The following EMC8 variants were observed in gnomAD, a reference collection of about 807,000 sequenced individuals.
EMC8 encodes the protein ER membrane protein complex subunit 8.
EMC8 carries 11 observed loss-of-function variants against 24.3 expected under a neutral mutation model. That is an observed-to-expected ratio of 0.45 (90% CI 0.28 to 0.75). The LOEUF (loss-of-function observed/expected upper bound fraction) is 0.75, where lower values mean the gene tolerates loss of function less well. Ranked by LOEUF, EMC8 falls within the 30% of genes least tolerant of loss-of-function variation. EMC8 has a pLI of 0.12. For missense variants in EMC8, 277 were observed against 282.7 expected, an observed-to-expected ratio of 0.98 and a Z score of 0.14; for synonymous variants, 145 against 117.7, an observed-to-expected ratio of 1.23 and a Z score of -1.50.
In EMC8 at chr16:85,779,544, A is replaced by T. The variant is rs1904389795; in HGVS notation, c.*164T>A. 1.5e-6 allele frequency: 1 copy of T among 662,600 alleles called. No homozygotes were observed. Among genetic ancestry groups the T allele is most frequent in the Non-Finnish European group, 2.6e-6 (1 of 390,556 alleles). 41.0% of individuals were successfully genotyped at this position (662,600 alleles called of 1,614,324 possible). A position where few individuals can be genotyped will look rare whatever the true frequency, so the allele number is the denominator to read the frequency against. On this transcript the variant is annotated 3_prime_UTR_variant, in exon 5 of 5. Coordinates refer to ENST00000253457, the MANE Select transcript of EMC8 (RefSeq NM_006067.5). Reference sequence around the variant, plus strand: ...CACCTCTTCTAGAGACTCTGTGTTAAAAACACGACCGACTGAACATTCTGC... The same window carrying T: ...CACCTCTTCTAGAGACTCTGTGTTATAAACACGACCGACTGAACATTCTGC...
chr16:85,789,873 G>T (rs1904926269), intron 1 of EMC8, among the ~76,000 whole-genome samples: 1 of 152,142 alleles, frequency 6.6e-6, no homozygotes. Flanking sequence ...CCCTCAGTTG[G>T]GGTGTAGGGT....
chr16:85,790,714 C>T (rs967856902), intron 1 of EMC8, among the ~76,000 whole-genome samples: 1 of 152,168 alleles, frequency 6.6e-6, no homozygotes, highest in South Asian at 2.1e-4. Context: ...CTCTGCCCCC[C>T]GGGTGTCCCT....
intron 3 of EMC8, 69 bp from the exon 4 acceptor site, chr16:85,780,542 C>T (rs763433349): frequency 2.6e-6 from 3 of 1,153,812 alleles, no homozygotes; most frequent in East Asian, 4.9e-5. Flanking sequence ...GGCGCCTCCT[C>T]GGGGCTCTCC....
At position 85,781,141 on chromosome 16, in the gene EMC8, C is replaced by T. The variant is rs1904475480; in HGVS notation, c.378+70G>A. 28 of 1,132,524 alleles carry T rather than the reference C, an allele frequency of 2.5e-5. 1 individual carries two copies. The highest frequency in any genetic ancestry group is 2.1e-4 in the Middle Eastern group (1 of 4,774). The allele number at this position is 1,132,524 out of a possible 1,614,324, so 70.2% of individuals were successfully genotyped here. A position where few individuals can be genotyped will look rare whatever the true frequency, so the allele number is the denominator to read the frequency against. On this transcript the variant is annotated intron_variant, in intron 3 of 4. Transcript: ENST00000253457. ...AAGGGGTTAGCGGAAAGGAAACCGC[C>T]GCAGAGCAAGCTCCAGGTTGGTGAG...
At chr16:85,792,842 T>A (rs1905077017) in intron 1 of EMC8, 1 of 152,180 alleles carries the variant, frequency 6.6e-6, no homozygotes, top group Non-Finnish European at 1.5e-5. Context: ...ATGAATCCAT[T>A]TCCATGTCCC....
At chr16:85,780,275 T>C in intron 4 of EMC8, 104 bp downstream of exon 4, 2 of 827,288 alleles carry the variant, frequency 2.4e-6, no homozygotes, top group Non-Finnish European at 4.0e-6. Flanking sequence ...GTATCATGCT[T>C]CTGGAGAAAA....
chr16:85,788,919 G>A lies in EMC8; in HGVS notation c.308+55C>T, dbSNP rs932120740. On this transcript the variant is annotated intron_variant, in intron 2 of 4. Transcript: ENST00000253457. ...GGCCGAAAAGCACACGAGAGACGGG[G>A]TCTGCCCAACACGTGCTCACTTCCT... is the stretch of plus-strand genomic sequence containing the variant. 21 of 1,256,344 alleles carry A rather than the reference G, an allele frequency of 1.7e-5. No homozygotes were observed. In the Middle Eastern group the frequency reaches 7.4e-4, roughly 44 times the overall value. The allele number at this position is 1,256,344 out of a possible 1,614,324, so 77.8% of individuals were successfully genotyped here. A position where few individuals can be genotyped will look rare whatever the true frequency, so the allele number is the denominator to read the frequency against.
intron 2 of EMC8, among the ~76,000 whole-genome samples, chr16:85,786,693 C>G (rs941349264): frequency 4.6e-5 from 7 of 152,136 alleles, no homozygotes; most frequent in African/African-American, 1.7e-4. Flanking sequence ...TGCAAAACCT[C>G]CTGGAGGACG....
chr16:85,799,324 T>A lies in EMC8; in HGVS notation c.-29A>T, dbSNP rs1905470494. On this transcript the variant is annotated 5_prime_UTR_variant, in exon 1 of 5. Transcript: ENST00000253457. This position sits in a 1 kb window ranked among gnomAD's most constrained non-coding sequence, Gnocchi z 4.2. ...GACCCGGGAGGGCCCCGGAGGCCCCTGGGCGCGCGGCTGAGGCCTGGACCC... is the reference window on the plus strand; with the variant it reads ...GACCCGGGAGGGCCCCGGAGGCCCCAGGGCGCGCGGCTGAGGCCTGGACCC... 1 of 1,513,074 alleles carries A rather than the reference T, an allele frequency of 6.6e-7. No homozygotes were observed. The highest frequency in any genetic ancestry group is 2.0e-4 in the Middle Eastern group (1 of 4,914). 93.7% of individuals were successfully genotyped at this position (1,513,074 alleles called of 1,614,324 possible). A position where few individuals can be genotyped will look rare whatever the true frequency, so the allele number is the denominator to read the frequency against.
Position 85,781,217 on chromosome 16 carries a change from G to T in EMC8, c.372C>A (p.Leu124=), listed in dbSNP as rs769319182. 5 of 1,612,768 alleles carry T rather than the reference G, an allele frequency of 3.1e-6. No homozygotes were observed. In the African/African-American group the frequency reaches 5.3e-5, roughly 17 times the overall value. ...CTGCACAGAAGCGACTTACCATGAT[G>T]AGCGCAGTGTCGCTGAAGCCCTCGG... is the stretch of plus-strand genomic sequence containing the variant. ...RIAEGFSDTA[L]IMVDNTKFTM... Residue 124 remains leucine, a synonymous_variant, in exon 3 of 5, where the codon CTC becomes CTA. Transcript: ENST00000253457.
intron 1 of EMC8, among the ~76,000 whole-genome samples, chr16:85,789,882 G>A (rs1280623268): frequency 6.6e-6 from 1 of 152,146 alleles, no homozygotes; most frequent in African/African-American, 2.4e-5. Flanking sequence ...GGGGTGTAGG[G>A]TAAAGAGGTC....
intron 1 of EMC8, among the ~76,000 whole-genome samples, chr16:85,795,218 G>C (rs779806149): frequency 4.6e-4 from 69 of 151,060 alleles, no homozygotes; most frequent in Non-Finnish European, 1.3e-4. Context: ...TGAGGTTCAA[G>C]TTTGTCTTCA....
chr16:85,791,341 G>A (rs1905001782), intron 1 of EMC8, among the ~76,000 whole-genome samples: 1 of 152,148 alleles, frequency 6.6e-6, no homozygotes, highest in African/African-American at 2.4e-5. Flanking sequence ...TGGGATACAT[G>A]TGCAGAATAT....
In EMC8 at chr16:85,789,919, T is replaced by C. The variant is rs903164429; in HGVS notation, c.232-869A>G. 1.2e-4 allele frequency among the ~76,000 whole-genome samples: 18 copies of C among 152,152 alleles called. 1 individual carries two copies. Among genetic ancestry groups the C allele is most frequent in the African/African-American group, 4.3e-4 (18 of 41,440 alleles). ...CAAGTTAGGAAGGGGCACGTGCACA[T>C]GTCCTTAGTTCTCTCCGGCGTGCTT... On this transcript the variant is annotated intron_variant, in intron 1 of 4. Coordinates refer to ENST00000253457, the MANE Select transcript of EMC8 (RefSeq NM_006067.5).
intron 2 of EMC8, among the ~76,000 whole-genome samples, chr16:85,783,689 T>A (rs1408021468): frequency 1.3e-5 from 2 of 152,214 alleles, no homozygotes; most frequent in African/African-American, 2.4e-5. Flanking sequence ...TCAGGAAATC[T>A]GCCTACATGT....
intron 1 of EMC8, among the ~76,000 whole-genome samples, chr16:85,789,806 A>AG (rs892697456): frequency 6.6e-6 from 1 of 151,340 alleles, no homozygotes; most frequent in Non-Finnish European, 1.5e-5. Context: ...CTCAAAAAAA[A>AG]AAAAAAAAGT....
rs910384085 is a variant in EMC8, at chr16:85,778,700, C to T, written c.*1008G>A. The T allele has an allele frequency of 2.0e-5, 3 of 152,238 alleles. No individual in the cohort carries two copies. The highest frequency in any genetic ancestry group is 2.9e-5 in the Non-Finnish European group (2 of 68,036). 9.4% of individuals were successfully genotyped at this position (152,238 alleles called of 1,614,324 possible). Reference sequence around the variant, plus strand: ...CCTATGTGTTAAGAGAAAATAGTGACCGCTGTATCACAAACCCTTTCAGGT... The same window carrying T: ...CCTATGTGTTAAGAGAAAATAGTGATCGCTGTATCACAAACCCTTTCAGGT... On this transcript the variant is annotated 3_prime_UTR_variant, in exon 5 of 5. Coordinates refer to ENST00000253457, the MANE Select transcript of EMC8 (RefSeq NM_006067.5).
At position 85,789,069 on chromosome 16, in the gene EMC8, T is replaced by C. The variant is rs746432525; in HGVS notation, c.232-19A>G. The C allele has an allele frequency of 8.3e-6, 13 of 1,570,970 alleles. No individual in the cohort carries two copies. The highest frequency in any genetic ancestry group is 1.1e-5 in the South Asian group (1 of 90,148). ...AATCAATCTGAAAGAGGAACAAAAA[T>C]TGGGAAAAGATGAATGACTCTCCCT... is the stretch of plus-strand genomic sequence containing the variant. On this transcript the variant is annotated intron_variant, in intron 1 of 4. Coordinates refer to ENST00000253457, the MANE Select transcript of EMC8 (RefSeq NM_006067.5).
chr16:85,787,243 G>A (rs1279680483), intron 2 of EMC8, among the ~76,000 whole-genome samples: 2 of 152,088 alleles, frequency 1.3e-5, no homozygotes, highest in African/African-American at 4.8e-5. Context: ...CAGGAATGCT[G>A]ACCTCCTGGT....
Sources: allele counts gnomAD v4.1 joint callset (sites outside exome capture counted in the v4.1 genomes callset), GRCh38; gene constraint gnomAD v4.1.1; non-coding constraint Gnocchi (gnomAD v3.1); transcripts MANE v1.5; gene names NCBI Gene and HGNC (gene_info 2026-07-23, HGNC 2026-07-21).